NRG1: variants seen among roughly 807,000 people sequenced by gnomAD.
NRG1 encodes the protein pro-neuregulin-1, membrane-bound isoform.
A neutral mutation model predicts 63.8 loss-of-function variants in NRG1; 18 were observed. The ratio of observed to expected loss-of-function variants is 0.28; its 90% CI spans 0.19 to 0.42. The LOEUF is 0.42. NRG1 is among the 10% of genes least tolerant of loss of function. NRG1 has a pLI of 1.00. For synonymous variants in NRG1, 302 were observed against 301.3 expected, an observed-to-expected ratio of 1.00 and a Z score of -0.02; for missense variants, 762 against 814.7, an observed-to-expected ratio of 0.94 and a Z score of 0.79.
intron 1 of NRG1, among the ~76,000 whole-genome samples, chr8:32,060,207 G>T (rs1025272473): frequency 2.0e-5 from 3 of 151,280 alleles, no homozygotes; most frequent in Admixed American, 6.6e-5. Context: ...AATATTGCCA[G>T]ATCTCCTAAT....
At chr8:32,407,316 ATATTATATATATATATG>A (rs1814205238) in intron 1 of NRG1, among the ~76,000 whole-genome samples, 1 of 4,336 alleles carries the variant, frequency 2.3e-4, no homozygotes, top group Admixed American at 3.3e-3. Context: ...ATATATATAT[ATATTATATATATATATG>A]GCCAACCATA....
intron 1 of NRG1, among the ~76,000 whole-genome samples, chr8:32,587,873 A>C (rs2129534681): frequency 6.6e-6 from 1 of 152,108 alleles, no homozygotes; most frequent in South Asian, 2.1e-4. Context: ...CGTAGGGATA[A>C]ATTCCTTGAA....
intron 1 of NRG1, among the ~76,000 whole-genome samples, chr8:31,838,329 G>GTTTTAATTA (rs1456614871): frequency 2.0e-5 from 3 of 151,968 alleles, no homozygotes; most frequent in African/African-American, 7.2e-5. Context: ...TGTACCACCT[G>GTTTTAATTA]TTTTAATTAT....
At chr8:32,172,852 A>G (rs1365054501) in intron 1 of NRG1, among the ~76,000 whole-genome samples, 1 of 152,236 alleles carries the variant, frequency 6.6e-6, no homozygotes, top group Non-Finnish European at 1.5e-5. Flanking sequence ...AAAAGACCAA[A>G]TCTACATCTG....
intron 1 of NRG1, among the ~76,000 whole-genome samples, chr8:31,923,195 GT>G (rs1407669546): frequency 2.0e-5 from 3 of 151,652 alleles, no homozygotes; most frequent in African/African-American, 7.3e-5. Context: ...TTGGCAAATA[GT>G]TTTTTTTAAA....
intron 1 of NRG1, among the ~76,000 whole-genome samples, chr8:31,783,048 T>A (rs1819841109): frequency 6.6e-6 from 1 of 152,170 alleles, no homozygotes; most frequent in Non-Finnish European, 1.5e-5. Flanking sequence ...TGCAGAGCTT[T>A]CAACTGTTAA....
intron 1 of NRG1, among the ~76,000 whole-genome samples, chr8:32,348,163 C>T (rs1038784830): frequency 2.6e-5 from 4 of 152,142 alleles, no homozygotes; most frequent in Non-Finnish European, 2.9e-5. Flanking sequence ...TTCTAATTAT[C>T]GCTGCACAGC....
At chr8:32,126,900 G>A (rs1834139743) in intron 1 of NRG1, among the ~76,000 whole-genome samples, 1 of 151,796 alleles carries the variant, frequency 6.6e-6, no homozygotes, top group Admixed American at 6.6e-5. Context: ...CTGACATGGG[G>A]GGAAGAGCTC....
At chr8:32,353,745 GA>G (rs997560668) in intron 1 of NRG1, among the ~76,000 whole-genome samples, 19 of 152,152 alleles carry the variant, frequency 1.2e-4, no homozygotes, top group Non-Finnish European at 2.1e-4. Context: ...CAACCCTTTT[GA>G]AAAACATTTT....
chr8:31,883,183 A>G (rs2129612962), intron 1 of NRG1, among the ~76,000 whole-genome samples: 1 of 152,300 alleles, frequency 6.6e-6, no homozygotes, highest in African/African-American at 2.4e-5. Flanking sequence ...ATCAGTCAGC[A>G]GCCATCAACA....
At chr8:32,440,959 T>A (rs1451763984) in intron 1 of NRG1, among the ~76,000 whole-genome samples, 3 of 152,152 alleles carry the variant, frequency 2.0e-5, no homozygotes, top group African/African-American at 7.2e-5. Flanking sequence ...TGACATAGAA[T>A]TGTGTATTTA....
chr8:32,063,135 T>C (rs1490079161), intron 1 of NRG1: 1 of 152,128 alleles, frequency 6.6e-6, no homozygotes, highest in Admixed American at 6.6e-5. Flanking sequence ...ATACAAAAGA[T>C]GGACAGCTCT....
At chr8:31,837,244 T>C (rs941293105) in intron 1 of NRG1, among the ~76,000 whole-genome samples, 1 of 152,184 alleles carries the variant, frequency 6.6e-6, no homozygotes, top group Admixed American at 6.5e-5. Flanking sequence ...GGAGAAAATA[T>C]AAATTTTTAC....
At chr8:32,167,481 C>CT (rs1839521957) in intron 1 of NRG1, among the ~76,000 whole-genome samples, 1 of 152,134 alleles carries the variant, frequency 6.6e-6, no homozygotes, top group Non-Finnish European at 1.5e-5. Flanking sequence ...GGTAAAAATT[C>CT]TTTCAGAAAA....
At chr8:32,229,090 C>T (rs773871370) in intron 1 of NRG1, among the ~76,000 whole-genome samples, 62 of 152,230 alleles carry the variant, frequency 4.1e-4, no homozygotes, top group Non-Finnish European at 7.6e-4. Context: ...CAATGGGAAA[C>T]GTCGCAGTAC....
chr8:32,103,976 A>C (rs749132873), intron 1 of NRG1, among the ~76,000 whole-genome samples: 3 of 152,156 alleles, frequency 2.0e-5, no homozygotes, highest in Non-Finnish European at 2.9e-5. Context: ...ACATTTTAAA[A>C]TTACTGTTGT....
intron 1 of NRG1, among the ~76,000 whole-genome samples, chr8:32,392,572 G>A (rs1329249823): frequency 6.6e-6 from 1 of 152,040 alleles, no homozygotes; most frequent in Non-Finnish European, 1.5e-5. Flanking sequence ...TCAAAATAGT[G>A]CCATTTAATT....
At chr8:31,896,549 A>T (rs899974005) in intron 1 of NRG1, among the ~76,000 whole-genome samples, 4 of 152,122 alleles carry the variant, frequency 2.6e-5, no homozygotes, top group Non-Finnish European at 5.9e-5. Flanking sequence ...CTTGTGTTTC[A>T]GTGGTTGTCT....
At chr8:31,980,989 C>A (rs1256226168) in intron 1 of NRG1, among the ~76,000 whole-genome samples, 1 of 151,984 alleles carries the variant, frequency 6.6e-6, no homozygotes, top group Non-Finnish European at 1.5e-5. Context: ...GAAAATATTT[C>A]TTCTACCTAT....
Sources: allele counts gnomAD v4.1 joint callset (sites outside exome capture counted in the v4.1 genomes callset), GRCh38; gene constraint gnomAD v4.1.1; transcripts MANE v1.5; gene names NCBI Gene and HGNC (gene_info 2026-07-23, HGNC 2026-07-21).